LHFPL6: variants seen among roughly 807,000 people sequenced by gnomAD.
LHFPL6 encodes the protein LHFPL tetraspan subfamily member 6 protein.
LHFPL6 carries 9 observed loss-of-function variants against 20.6 expected under a neutral mutation model. That is an observed-to-expected ratio of 0.44 (90% CI 0.26 to 0.76). LHFPL6 has a LOEUF of 0.76. Ranked by LOEUF, LHFPL6 falls within the 30% of genes least tolerant of loss-of-function variation. LHFPL6 has a pLI of 0.20. For synonymous variants in LHFPL6, 105 were observed against 98.7 expected (o/e 1.06, Z -0.38); for missense variants, 218 against 253.5 (o/e 0.86, Z 0.95).
chr13:39,583,209 T>C (rs1344852711), intron 2 of LHFPL6, among the ~76,000 whole-genome samples: 1 of 145,932 alleles, frequency 6.9e-6, no homozygotes, highest in African/African-American at 2.5e-5. Flanking sequence ...GGTCCTGCTC[T>C]GTCACCCAGG....
At chr13:39,413,667 G>A (rs1413365734) in intron 2 of LHFPL6, among the ~76,000 whole-genome samples, 2 of 148,896 alleles carry the variant, frequency 1.3e-5, no homozygotes, top group African/African-American at 5.0e-5. Flanking sequence ...ACATATGTTT[G>A]CATTTGCACA....
chr13:39,499,270 G>A (rs1027166686), intron 2 of LHFPL6, among the ~76,000 whole-genome samples: 12 of 39,540 alleles, frequency 3.0e-4, no homozygotes, highest in Non-Finnish European at 8.8e-4. Flanking sequence ...TATTAACCCT[G>A]TTAGAAGTCA....
chr13:39,542,128 TAATAA>T (rs1256114378), intron 2 of LHFPL6, among the ~76,000 whole-genome samples: 2 of 134,596 alleles, frequency 1.5e-5, no homozygotes, highest in African/African-American at 5.5e-5. Context: ...ATAATAATAA[TAATAA>T]AATAAAAATG....
chr13:39,536,951 C>T (rs1870637787), intron 2 of LHFPL6, among the ~76,000 whole-genome samples: 1 of 152,194 alleles, frequency 6.6e-6, no homozygotes, highest in South Asian at 2.1e-4. Context: ...TATTCTAATA[C>T]ATCCATATCC....
chr13:39,520,031 G>T (rs2138484492), intron 2 of LHFPL6, among the ~76,000 whole-genome samples: 1 of 152,246 alleles, frequency 6.6e-6, no homozygotes, highest in East Asian at 1.9e-4. Context: ...GTAGGAAGTG[G>T]GATGTTTCAG....
chr13:39,474,821 TGAGGCTG>T (rs1028312110), intron 2 of LHFPL6, among the ~76,000 whole-genome samples: 1 of 151,456 alleles, frequency 6.6e-6, no homozygotes, highest in Non-Finnish European at 1.5e-5. Context: ...ACACAACACA[TGAGGCTG>T]GAAGAACAGG....
At chr13:39,418,633 G>A (rs575378140) in intron 2 of LHFPL6, among the ~76,000 whole-genome samples, 2 of 152,054 alleles carry the variant, frequency 1.3e-5, no homozygotes, top group Non-Finnish European at 1.5e-5. Flanking sequence ...GATAAAGATC[G>A]GCAAGGCCCC....
intron 2 of LHFPL6, among the ~76,000 whole-genome samples, chr13:39,408,451 A>G (rs1199143282): frequency 1.3e-5 from 2 of 152,232 alleles, no homozygotes; most frequent in Non-Finnish European, 2.9e-5. Context: ...TGATCCTTAC[A>G]CAGATCTTCC....
intron 2 of LHFPL6, among the ~76,000 whole-genome samples, chr13:39,434,916 C>G (rs947724568): frequency 6.6e-6 from 1 of 151,316 alleles, no homozygotes; most frequent in Non-Finnish European, 1.5e-5. Flanking sequence ...ATTAGCCGGG[C>G]GCGGTGGCGG....
intron 2 of LHFPL6, among the ~76,000 whole-genome samples, chr13:39,598,738 T>C (rs1209067544): frequency 1.3e-5 from 2 of 152,030 alleles, no homozygotes; most frequent in East Asian, 3.9e-4. Context: ...TTGTATTTTT[T>C]AGTGGAGACC....
At chr13:39,574,898 C>A (rs61956469) in intron 2 of LHFPL6, among the ~76,000 whole-genome samples, 1 of 152,030 alleles carries the variant, frequency 6.6e-6, no homozygotes, top group East Asian at 1.9e-4. Flanking sequence ...ATGGTGAAAC[C>A]CTGTCTCTAC....
chr13:39,385,244 GATA>G (rs1236303370), intron 2 of LHFPL6, among the ~76,000 whole-genome samples: 1 of 152,212 alleles, frequency 6.6e-6, no homozygotes, highest in African/African-American at 2.4e-5. Context: ...CAGATGACTT[GATA>G]ATTCTTAAAT....
chr13:39,436,842 T>C (rs1871972088), intron 2 of LHFPL6, among the ~76,000 whole-genome samples: 1 of 152,194 alleles, frequency 6.6e-6, no homozygotes, highest in African/African-American at 2.4e-5. Context: ...AATACAGCTA[T>C]GGCCCCAACA....
chr13:39,490,604 G>T (rs1868894457), intron 2 of LHFPL6, among the ~76,000 whole-genome samples: 1 of 152,180 alleles, frequency 6.6e-6, no homozygotes, highest in Admixed American at 6.5e-5. Context: ...TACATCTGTG[G>T]CCATGTAATC....
intron 2 of LHFPL6, among the ~76,000 whole-genome samples, chr13:39,577,116 G>C (rs533364523): frequency 1.3e-5 from 2 of 152,150 alleles, no homozygotes; most frequent in Non-Finnish European, 2.9e-5. Context: ...ACAAAACAGT[G>C]AAAAATGATA....
At chr13:39,479,124 T>TCTATCTAC (rs1016439317) in intron 2 of LHFPL6, among the ~76,000 whole-genome samples, 2 of 125,746 alleles carry the variant, frequency 1.6e-5, no homozygotes, top group East Asian at 2.0e-4. Context: ...CATCCATCTA[T>TCTATCTAC]CTATCTATCT....
At chr13:39,561,505 C>T (rs752088990) in intron 2 of LHFPL6, among the ~76,000 whole-genome samples, 1 of 152,200 alleles carries the variant, frequency 6.6e-6, no homozygotes, top group Non-Finnish European at 1.5e-5. Flanking sequence ...GGGTCTTGTT[C>T]TGTCACCCAG....
intron 3 of LHFPL6, among the ~76,000 whole-genome samples, chr13:39,347,118 T>C (rs899354992): frequency 1.3e-5 from 2 of 149,252 alleles, no homozygotes; most frequent in Non-Finnish European, 3.0e-5. Flanking sequence ...GTTAATGAAT[T>C]CTCAAAAATC....
At chr13:39,386,276 T>G (rs1870561097) in intron 2 of LHFPL6, among the ~76,000 whole-genome samples, 1 of 152,008 alleles carries the variant, frequency 6.6e-6, no homozygotes, top group African/African-American at 2.4e-5. Flanking sequence ...GAACAAGAAA[T>G]GTAACAATAA....
Sources: gnomAD v4.1 joint callset for allele counts (sites outside exome capture counted in the v4.1 genomes callset) on GRCh38, gnomAD v4.1.1 for gene constraint, MANE v1.5 for transcripts, NCBI Gene and HGNC (gene_info 2026-07-23, HGNC 2026-07-21) for gene names.